TPST2: variants seen among roughly 807,000 people sequenced by gnomAD.
The protein encoded by TPST2 is protein-tyrosine sulfotransferase 2.
A neutral mutation model predicts 27.8 loss-of-function variants in TPST2; 16 were observed. That is an observed-to-expected ratio of 0.58 (90% CI 0.39 to 0.88). The LOEUF (loss-of-function observed/expected upper bound fraction) is 0.88. TPST2 is among the 40% of genes least tolerant of loss of function. The probability of loss-of-function intolerance (pLI) is 0.00; values close to 1 mark genes in which losing one functional copy is unlikely to be tolerated. For missense variants in TPST2, 464 were observed against 543.1 expected (o/e 0.85, Z 1.45); for synonymous variants, 229 against 231.7 (o/e 0.99, Z 0.10).
intron 1 of TPST2, among the ~76,000 whole-genome samples, chr22:26,577,360 T>TC (rs1433798549): frequency 1.3e-5 from 2 of 151,778 alleles, no homozygotes; most frequent in East Asian, 1.9e-4. Context: ...TCTTTTTTTT[T>TC]TTGAGACAAG....
chr22:26,582,939 G>A (rs915984313), intron 1 of TPST2, among the ~76,000 whole-genome samples: 4 of 151,916 alleles, frequency 2.6e-5, no homozygotes, highest in African/African-American at 7.3e-5. Context: ...GCACCCTAGC[G>A]CCCAGAGACA....
rs749896866 is a variant in TPST2, at chr22:26,540,882, T to C, written c.749A>G (p.Lys250Arg). ...QLVLHPRRSL[K>R]LILDFLGIAW... ...GATGCCGAGGAAGTCGAGGATGAGC[T>C]TGAGTGAGCGCCTGGGGTGCAGCAC... Residue 250 changes from lysine (K) to arginine (R), a missense_variant, in exon 3 of 7, where the codon AAG becomes AGG. Transcript: ENST00000338754. 54 of 1,614,132 alleles carry C rather than the reference T, an allele frequency of 3.3e-5. No individual in the cohort carries two copies. In the African/African-American group the frequency reaches 6.5e-4, roughly 20 times the overall value.
intron 1 of TPST2, among the ~76,000 whole-genome samples, chr22:26,571,908 C>T (rs1486253403): frequency 6.6e-6 from 1 of 152,162 alleles, no homozygotes; most frequent in African/African-American, 2.4e-5. Flanking sequence ...AGTCCAAGTC[C>T]CCACTGTCCG....
intron 5 of TPST2, among the ~76,000 whole-genome samples, chr22:26,532,422 A>G (rs1925217364): frequency 6.6e-6 from 1 of 152,238 alleles, no homozygotes; most frequent in South Asian, 2.1e-4. Flanking sequence ...CTGGGATTAC[A>G]GGTGTGTGCC....
At position 26,541,179 on chromosome 22, in the gene TPST2, G is replaced by A. The variant is rs1401014466; in HGVS notation, c.452C>T (p.Pro151Leu). Residue 151 changes from proline (P) to leucine (L), a missense_variant, in exon 3 of 7, where the codon CCG (proline) becomes CTG (leucine). Coordinates refer to ENST00000338754, the MANE Select transcript of TPST2 (RefSeq NM_003595.5). The surrounding 1 kb of genome is among the most constrained non-coding windows in gnomAD (Gnocchi z 5.9). ...GTCCTTGTTGCAGAGCACGCGGGCC[G>A]GCTCTCCGTGCTTGGCAATCACCTC... is the stretch of plus-strand genomic sequence containing the variant. The part of the protein sequence containing the change: ...ILEVIAKHGE[P>L]ARVLCNKDPF... The A allele has an allele frequency of 3.1e-6, 5 of 1,596,624 alleles. No individual in the cohort carries two copies. The highest frequency in any genetic ancestry group is 2.2e-5 in the East Asian group (1 of 44,662).
chr22:26,560,484 G>C, intron 1 of TPST2: 1 of 770,320 alleles, frequency 1.3e-6, no homozygotes, highest in Non-Finnish European at 2.2e-6. Flanking sequence ...GAGCCGGACG[G>C]GCACTGGGCG....
At chr22:26,568,093 G>A (rs751255335) in intron 1 of TPST2, among the ~76,000 whole-genome samples, 13 of 152,060 alleles carry the variant, frequency 8.5e-5, no homozygotes, top group African/African-American at 2.4e-4. Flanking sequence ...ACTGTTCACC[G>A]AAGGGCACAT....
chr22:26,532,442 G>A lies in TPST2; in HGVS notation c.1092+253C>T, dbSNP rs111671441. On this transcript the variant is annotated intron_variant, in intron 5 of 6. Transcript: ENST00000338754. ...ATTACAGGTGTGTGCCACTACGCCC[G>A]GATAATTTTTGTATTTTTAGTAGAG... Among the ~76,000 whole-genome samples, 499 of 152,220 alleles carry A rather than the reference G, an allele frequency of 3.3e-3. 4 individuals are homozygous for A. The highest frequency in any genetic ancestry group is 0.011 in the African/African-American group (449 of 41,526).
At chr22:26,546,656 C>T (rs1338997364) in intron 1 of TPST2, among the ~76,000 whole-genome samples, 2 of 152,232 alleles carry the variant, frequency 1.3e-5, no homozygotes, top group African/African-American at 2.4e-5. Context: ...ACTATTTGAA[C>T]TCACCTTATG....
At chr22:26,561,282 T>G (rs563172982) in intron 1 of TPST2, among the ~76,000 whole-genome samples, 2 of 152,198 alleles carry the variant, frequency 1.3e-5, no homozygotes, top group African/African-American at 4.8e-5. Flanking sequence ...GTTTTTAAAC[T>G]GTACAGTGTC....
chr22:26,586,759 A>G (rs1314409536), intron 1 of TPST2, among the ~76,000 whole-genome samples: 2 of 152,222 alleles, frequency 1.3e-5, no homozygotes, highest in Non-Finnish European at 2.9e-5. Flanking sequence ...CTGAACCAGC[A>G]GAGTACAGGT....
At chr22:26,580,386 C>A (rs1928052165) in intron 1 of TPST2, among the ~76,000 whole-genome samples, 1 of 152,158 alleles carries the variant, frequency 6.6e-6, no homozygotes. Flanking sequence ...ACAGCCATCC[C>A]GCCCTTCAGT....
chr22:26,580,868 T>C (rs1019002702), intron 1 of TPST2, among the ~76,000 whole-genome samples: 11 of 152,090 alleles, frequency 7.2e-5, no homozygotes, highest in Admixed American at 5.2e-4. Flanking sequence ...AGACTTTCGC[T>C]CTGTGATTTA....
intron 1 of TPST2, among the ~76,000 whole-genome samples, chr22:26,569,908 T>C (rs1256844684): frequency 8.0e-6 from 1 of 125,044 alleles, no homozygotes; most frequent in Admixed American, 9.1e-5. Context: ...GCCGAGATCA[T>C]GCCACTGCAC....
At chr22:26,578,614 G>A (rs1406801629) in intron 1 of TPST2, among the ~76,000 whole-genome samples, 5 of 152,092 alleles carry the variant, frequency 3.3e-5, no homozygotes, top group Non-Finnish European at 7.3e-5. Context: ...AGCAAACCAG[G>A]CCTCGAACCA....
chr22:26,577,649 ATTTT>A (rs771843747), intron 1 of TPST2, among the ~76,000 whole-genome samples: 5 of 93,364 alleles, frequency 5.4e-5, no homozygotes, highest in African/African-American at 2.2e-4. Context: ...GCACCCGGCC[ATTTT>A]TTTTTTTTTT....
At chr22:26,561,825 G>A (rs1477103779) in intron 1 of TPST2, among the ~76,000 whole-genome samples, 1 of 152,186 alleles carries the variant, frequency 6.6e-6, no homozygotes, top group African/African-American at 2.4e-5. Flanking sequence ...TGTTTGAGCA[G>A]TGGGTGAGCA....
At chr22:26,570,909 C>T (rs1326662100) in intron 1 of TPST2, among the ~76,000 whole-genome samples, 1 of 152,218 alleles carries the variant, frequency 6.6e-6, no homozygotes, top group South Asian at 2.1e-4. Flanking sequence ...TTTCTCACCA[C>T]CCGCACTGCC....
Position 26,550,276 on chromosome 22 carries a change from A to G in TPST2, c.-160-5601T>C, listed in dbSNP as rs2283830. Among the ~76,000 whole-genome samples the G allele has an allele frequency of 3.4e-3, 518 of 152,306 alleles. 15 individuals carry two copies. In the East Asian group the frequency reaches 0.066, roughly 19 times the overall value. On this transcript the variant is annotated intron_variant, in intron 1 of 6. Coordinates refer to ENST00000338754, the MANE Select transcript of TPST2 (RefSeq NM_003595.5). ...AACAGACAAAGGTTCCTGCCTTCAT[A>G]GAGCTGACATTCCAGTGGGGAGCCA...
Sources: gnomAD v4.1 joint callset for allele counts (sites outside exome capture counted in the v4.1 genomes callset) on GRCh38, gnomAD v4.1.1 for gene constraint, Gnocchi (gnomAD v3.1) non-coding constraint, MANE v1.5 for transcripts, NCBI Gene and HGNC (gene_info 2026-07-23, HGNC 2026-07-21) for gene names.